The following GRID2 variants were observed in gnomAD, a reference collection of about 807,000 sequenced individuals.
GRID2 encodes glutamate receptor ionotropic, delta-2.
A neutral mutation model predicts 114.8 loss-of-function variants in GRID2; 33 were observed. The ratio of observed to expected loss-of-function variants is 0.29; its 90% CI spans 0.22 to 0.38. GRID2 has a LOEUF of 0.38. Among genes scored for constraint, GRID2 ranks in the 10% least tolerant of loss-of-function variants. The pLI, the probability that GRID2 is intolerant of heterozygous loss-of-function variation, is 1.00. For missense variants in GRID2, 1,184 were observed against 1,257.7 expected (o/e 0.94, Z 0.89); for synonymous variants, 505 against 449.9 (o/e 1.12, Z -1.55).
intron 13 of GRID2, among the ~76,000 whole-genome samples, chr4:93,531,227 A>G (rs1469977656): frequency 1.3e-5 from 2 of 152,164 alleles, no homozygotes; most frequent in African/African-American, 2.4e-5. Flanking sequence ...CCTCAGGTGC[A>G]TAAATTAAGG....
intron 8 of GRID2, among the ~76,000 whole-genome samples, chr4:93,321,168 G>T (rs7673801): frequency 0.24 from 36,827 of 151,866 alleles, 5,005 homozygotes; most frequent in Middle Eastern, 0.37. Flanking sequence ...GAGAGCCATC[G>T]TCACACGGAA....
At chr4:92,327,427 G>T (rs1391469324) in intron 1 of GRID2, among the ~76,000 whole-genome samples, 1 of 151,764 alleles carries the variant, frequency 6.6e-6, no homozygotes, top group East Asian at 1.9e-4. Flanking sequence ...ATTTCACTCA[G>T]ATCCCCATTT....
intron 8 of GRID2, among the ~76,000 whole-genome samples, chr4:93,321,560 T>G (rs1430127909): frequency 6.6e-6 from 1 of 152,132 alleles, no homozygotes; most frequent in Non-Finnish European, 1.5e-5. Context: ...TTTCATGATT[T>G]CATGTGTCAT....
At chr4:92,885,740 T>G (rs1746324920) in intron 2 of GRID2, among the ~76,000 whole-genome samples, 1 of 152,078 alleles carries the variant, frequency 6.6e-6, no homozygotes, top group Admixed American at 6.6e-5. Context: ...TCTTCACCAC[T>G]TTCAGTTGTA....
At chr4:92,372,275 C>T (rs1002024630) in intron 1 of GRID2, among the ~76,000 whole-genome samples, 8 of 152,058 alleles carry the variant, frequency 5.3e-5, no homozygotes, top group Non-Finnish European at 1.2e-4. Context: ...GAAGTTCTAC[C>T]GTGAGTGAAA....
chr4:93,329,793 A>G (rs958250830), intron 8 of GRID2, among the ~76,000 whole-genome samples: 6 of 152,132 alleles, frequency 3.9e-5, no homozygotes, highest in Admixed American at 2.6e-4. Flanking sequence ...CTATGCAAAT[A>G]TCTTGGCAAG....
intron 1 of GRID2, among the ~76,000 whole-genome samples, chr4:92,331,470 CT>C (rs796758532): frequency 6.6e-6 from 1 of 152,238 alleles, no homozygotes; most frequent in African/African-American, 2.4e-5. Context: ...AGGAATGGCG[CT>C]TTGCTTTTCT....
At chr4:92,800,109 T>C (rs757935500) in intron 2 of GRID2, among the ~76,000 whole-genome samples, 2 of 151,904 alleles carry the variant, frequency 1.3e-5, no homozygotes, top group Non-Finnish European at 2.9e-5. Context: ...GGTAATCTCA[T>C]TACCCCTTTT....
chr4:92,608,421 A>G (rs1180016292), intron 2 of GRID2, among the ~76,000 whole-genome samples: 3 of 151,872 alleles, frequency 2.0e-5, no homozygotes, highest in African/African-American at 7.2e-5. Context: ...CAATGCCTCC[A>G]CTGTGTTTTA....
chr4:93,749,720 C>T (rs1399206116), intron 14 of GRID2, among the ~76,000 whole-genome samples: 1 of 152,224 alleles, frequency 6.6e-6, no homozygotes, highest in Non-Finnish European at 1.5e-5. Context: ...AAAGTGGCGT[C>T]ATCCCCCTCT....
chr4:92,626,364 T>C (rs1349280425), intron 2 of GRID2, among the ~76,000 whole-genome samples: 1 of 151,990 alleles, frequency 6.6e-6, no homozygotes, highest in Non-Finnish European at 1.5e-5. Context: ...TTTGGGCCCA[T>C]GGGTGGTTGG....
intron 14 of GRID2, among the ~76,000 whole-genome samples, chr4:93,728,603 A>G (rs1730171844): frequency 6.6e-6 from 1 of 152,070 alleles, no homozygotes; most frequent in Non-Finnish European, 1.5e-5. Flanking sequence ...GTCTCCCATT[A>G]TTATTGTGTT....
chr4:92,939,580 T>C (rs533273123), intron 2 of GRID2, among the ~76,000 whole-genome samples: 1 of 147,522 alleles, frequency 6.8e-6, no homozygotes, highest in South Asian at 2.3e-4. Flanking sequence ...TGAGATCCCA[T>C]TTGTCAATTT....
At chr4:93,207,613 A>AGTTTTTAAAAATGATAAAGG (rs1418880730) in intron 5 of GRID2, among the ~76,000 whole-genome samples, 156 bp downstream of exon 5, 1 of 152,074 alleles carries the variant, frequency 6.6e-6, no homozygotes, top group African/African-American at 2.4e-5. Context: ...TAGAATGAAG[A>AGTTTTTAAAAATGATAAAGG]GTTTTTAAAA....
intron 2 of GRID2, among the ~76,000 whole-genome samples, chr4:92,687,556 A>G (rs573902466): frequency 6.6e-6 from 1 of 152,272 alleles, no homozygotes; most frequent in East Asian, 1.9e-4. Context: ...GGGGCCGGGC[A>G]TGGTGGCTCA....
chr4:92,419,167 A>G (rs1285153354), intron 1 of GRID2, among the ~76,000 whole-genome samples: 1 of 152,102 alleles, frequency 6.6e-6, no homozygotes, highest in Admixed American at 6.6e-5. Context: ...GGTCACAGAG[A>G]TAAACTGTAC....
intron 1 of GRID2, among the ~76,000 whole-genome samples, chr4:92,580,071 A>C (rs1014014772): frequency 6.7e-6 from 1 of 148,638 alleles, no homozygotes; most frequent in Non-Finnish European, 1.5e-5. Context: ...ATATATATAT[A>C]GTATAATTTG....
At chr4:92,718,001 A>G (rs989809022) in intron 2 of GRID2, among the ~76,000 whole-genome samples, 4 of 152,176 alleles carry the variant, frequency 2.6e-5, no homozygotes, top group Non-Finnish European at 5.9e-5. Flanking sequence ...AAATTATAGT[A>G]TATTTACTAA....
At chr4:92,982,625 A>G (rs1446467646) in intron 2 of GRID2, among the ~76,000 whole-genome samples, 1 of 151,970 alleles carries the variant, frequency 6.6e-6, no homozygotes, top group African/African-American at 2.4e-5. Flanking sequence ...GATTTTTGCA[A>G]TAGTCTTCTG....
Sources: gnomAD v4.1 joint callset for allele counts (sites outside exome capture counted in the v4.1 genomes callset) on GRCh38, gnomAD v4.1.1 for gene constraint, MANE v1.5 for transcripts, NCBI Gene and HGNC (gene_info 2026-07-23, HGNC 2026-07-21) for gene names.